NHS: variants seen among roughly 807,000 people sequenced by gnomAD.
The protein encoded by NHS is actin remodeling regulator NHS.
A neutral mutation model predicts 72.5 loss-of-function variants in NHS; 5 were observed. That is an observed-to-expected ratio of 0.07 (90% CI 0.04 to 0.14). The LOEUF (loss-of-function observed/expected upper bound fraction) is 0.14. NHS is among the 10% of genes least tolerant of loss of function. The pLI, the probability that NHS is intolerant of heterozygous loss-of-function variation, is 1.00. For missense variants in NHS, 1,072 were observed against 1,355.7 expected (o/e 0.79, Z 3.29); for synonymous variants, 464 against 547.7 (o/e 0.85, Z 2.13).
intron 1 of NHS, among the ~76,000 whole-genome samples, chrX:17,506,527 TAATAAATA>T (rs61214947): frequency 0.028 from 2,763 of 98,164 alleles, 84 homozygotes; most frequent in African/African-American, 0.094. Flanking sequence ...TGAGACTCTG[TAATAAATA>T]AATAAATAAA....
chrX:17,417,863 C>T (rs1253381907), intron 1 of NHS, among the ~76,000 whole-genome samples: 5 of 111,869 alleles, frequency 4.5e-5, no homozygotes, highest in African/African-American at 1.3e-4. Flanking sequence ...TAAAAGACCA[C>T]GGATTTTGTG....
At chrX:17,578,235 A>G (rs1363530294) in intron 1 of NHS, among the ~76,000 whole-genome samples, 2 of 112,436 alleles carry the variant, frequency 1.8e-5, no homozygotes, top group African/African-American at 6.5e-5. Flanking sequence ...GACTTTTAGC[A>G]TTTTCCAGAT....
intron 1 of NHS, among the ~76,000 whole-genome samples, chrX:17,538,673 AG>A (rs1371041312): frequency 8.9e-6 from 1 of 111,985 alleles, no homozygotes; most frequent in Non-Finnish European, 1.9e-5. Flanking sequence ...CAAAGTGGGA[AG>A]GGGCTTCACC....
At chrX:17,473,073 G>A (rs1034444585) in intron 1 of NHS, among the ~76,000 whole-genome samples, 2 of 112,105 alleles carry the variant, frequency 1.8e-5, no homozygotes, top group African/African-American at 6.5e-5. Context: ...TATCAAGACT[G>A]TCGAGCCAAG....
At chrX:17,600,917 G>A (rs2065646686) in intron 1 of NHS, among the ~76,000 whole-genome samples, 2 of 111,905 alleles carry the variant, frequency 1.8e-5, no homozygotes, top group African/African-American at 6.5e-5. Context: ...AAGGCAAGGT[G>A]CCAGTCATAT....
chrX:17,609,476 G>A (rs1252955478), intron 1 of NHS, among the ~76,000 whole-genome samples: 4 of 111,828 alleles, frequency 3.6e-5, no homozygotes, highest in Admixed American at 2.8e-4. Context: ...GGGTGGTGGT[G>A]GTGGTTAGGG....
intron 1 of NHS, among the ~76,000 whole-genome samples, chrX:17,545,136 A>G (rs1190108881): frequency 8.9e-6 from 1 of 111,917 alleles, no homozygotes; most frequent in East Asian, 2.8e-4. Flanking sequence ...CTGATCATCC[A>G]AATTCCTGCT....
intron 1 of NHS, among the ~76,000 whole-genome samples, chrX:17,549,194 A>C (rs1334996769): frequency 1.2e-4 from 2 of 16,970 alleles, no homozygotes; most frequent in African/African-American, 4.6e-4. Flanking sequence ...TCAGAAAAAC[A>C]GCCCTCTTCA....
At chrX:17,707,087 G>C (rs1346959268) in intron 3 of NHS, among the ~76,000 whole-genome samples, 1 of 111,747 alleles carries the variant, frequency 8.9e-6, no homozygotes, top group Non-Finnish European at 1.9e-5. Context: ...CTGATATCTG[G>C]ACAGATAGGC....
At chrX:17,616,957 T>C in intron 1 of NHS, among the ~76,000 whole-genome samples, 1 of 112,143 alleles carries the variant, frequency 8.9e-6, no homozygotes, top group East Asian at 2.8e-4. Context: ...CTTATTCCTC[T>C]GTCCTCGTAA....
chrX:17,451,043 C>T (rs1479428145), intron 1 of NHS, among the ~76,000 whole-genome samples: 4 of 111,431 alleles, frequency 3.6e-5, no homozygotes, highest in Admixed American at 9.5e-5. Context: ...GTGTAAAATA[C>T]GCATTTGGTT....
chrX:17,440,207 C>T (rs953957458), intron 1 of NHS, among the ~76,000 whole-genome samples: 12 of 99,263 alleles, frequency 1.2e-4, no homozygotes, highest in South Asian at 5.0e-4. Context: ...TGCAGCAAGC[C>T]GAGATTGTGC....
At chrX:17,391,929 C>G (rs2064447445) in intron 1 of NHS, among the ~76,000 whole-genome samples, 1 of 111,817 alleles carries the variant, frequency 8.9e-6, no homozygotes, top group Admixed American at 9.5e-5. Flanking sequence ...AGGCATGGAA[C>G]AGCTAGCAGA....
chrX:17,680,801 G>T, intron 1 of NHS, among the ~76,000 whole-genome samples: 1 of 111,061 alleles, frequency 9.0e-6, no homozygotes, highest in South Asian at 3.9e-4. Flanking sequence ...AGAATCCAAT[G>T]ACTCTGCTAG....
intron 1 of NHS, among the ~76,000 whole-genome samples, chrX:17,648,938 T>C (rs1052272652): frequency 5.4e-5 from 6 of 112,136 alleles, no homozygotes; most frequent in African/African-American, 1.9e-4. Flanking sequence ...GAGGATTAAA[T>C]AAGATTATGG....
intron 3 of NHS, chrX:17,705,226 G>A (rs780844438): frequency 4.5e-5 from 5 of 111,961 alleles, no homozygotes; most frequent in East Asian, 2.8e-4. Flanking sequence ...TTTGGGAGAC[G>A]GGGCATGATG....
chrX:17,413,729 C>G lies in NHS; in HGVS notation c.565+37407C>G, dbSNP rs1050227490. On this transcript the variant is annotated intron_variant, in intron 1 of 8. Transcript: ENST00000676302. ...CGGGGGAGCTATCACTCTATTAATC[C>G]TTTTACACTGGAAATGTTGAAATGA... Among the ~76,000 whole-genome samples, 4 of 111,273 alleles carry G rather than the reference C, an allele frequency of 3.6e-5. No homozygotes were observed. In the South Asian group the frequency reaches 1.1e-3, roughly 32 times the overall value.
intron 1 of NHS, chrX:17,557,280 C>G (rs1448508696): frequency 1.9e-5 from 2 of 104,283 alleles, no homozygotes; most frequent in Non-Finnish European, 3.9e-5. Flanking sequence ...TGTAAATATC[C>G]CAGCTCCTTT....
chrX:17,514,617 G>C (rs1349582306), intron 1 of NHS, among the ~76,000 whole-genome samples: 1 of 111,890 alleles, frequency 8.9e-6, no homozygotes, highest in Non-Finnish European at 1.9e-5. Flanking sequence ...GTGATCATGT[G>C]AGTCAATTCT....
Sources: gnomAD v4.1 joint callset for allele counts (sites outside exome capture counted in the v4.1 genomes callset) on GRCh38, gnomAD v4.1.1 for gene constraint, MANE v1.5 for transcripts, NCBI Gene and HGNC (gene_info 2026-07-23, HGNC 2026-07-21) for gene names.